The following COL22A1 variants were observed in gnomAD, a reference collection of about 807,000 sequenced individuals.
The protein encoded by COL22A1 is collagen type XXII alpha 1 chain.
COL22A1 carries 221 observed loss-of-function variants against 248.9 expected under a neutral mutation model. That is an observed-to-expected ratio of 0.89 (90% CI 0.80 to 0.99). COL22A1 has a LOEUF of 0.99. Ranked by LOEUF, COL22A1 falls within the 50% of genes least tolerant of loss-of-function variation. The pLI, the probability that COL22A1 is intolerant of heterozygous loss-of-function variation, is 0.00. For synonymous variants in COL22A1, 891 were observed against 793.4 expected, an observed-to-expected ratio of 1.12 and a Z score of -2.07; for missense variants, 2,240 against 2,179.0, an observed-to-expected ratio of 1.03 and a Z score of -0.56.
chr8:138,839,462 G>A (rs1820700994), intron 4 of COL22A1, among the ~76,000 whole-genome samples: 1 of 152,164 alleles, frequency 6.6e-6, no homozygotes, highest in South Asian at 2.1e-4. Flanking sequence ...ATTTTCCAAG[G>A]TCATTCTGGC....
chr8:138,902,674 C>CACAT (rs1814675087), intron 1 of COL22A1, among the ~76,000 whole-genome samples: 1 of 150,512 alleles, frequency 6.6e-6, no homozygotes, highest in African/African-American at 2.5e-5. Context: ...CCATTGCACT[C>CACAT]CAGCCTGGGC....
intron 25 of COL22A1, 137 bp downstream of exon 25, chr8:138,724,477 CG>C: frequency 2.6e-6 from 2 of 774,048 alleles, no homozygotes; most frequent in Non-Finnish European, 4.4e-6. Flanking sequence ...AGCTGAGCTC[CG>C]GGGCTGCAGG....
chr8:138,690,416 C>T (rs1009055021), intron 36 of COL22A1, among the ~76,000 whole-genome samples: 5 of 152,230 alleles, frequency 3.3e-5, no homozygotes, highest in East Asian at 1.9e-4. Flanking sequence ...ATGAACTAGC[C>T]GAGACCTCAA....
intron 51 of COL22A1, among the ~76,000 whole-genome samples, chr8:138,624,617 C>T (rs1469766487): frequency 6.6e-6 from 1 of 152,210 alleles, no homozygotes; most frequent in Admixed American, 6.5e-5. Context: ...AATTTCTTCT[C>T]CTTAGCTTTA....
At chr8:138,803,072 C>T in intron 10 of COL22A1, 138 bp from the exon 11 acceptor site, 1 of 716,510 alleles carries the variant, frequency 1.4e-6, no homozygotes, top group Non-Finnish European at 2.6e-6. Context: ...TGCAACGAGG[C>T]CACATGTCCC....
chr8:138,749,904 G>C (rs1228264521), intron 22 of COL22A1, among the ~76,000 whole-genome samples: 5 of 152,162 alleles, frequency 3.3e-5, no homozygotes, highest in African/African-American at 1.2e-4. Context: ...ATACAGTTTG[G>C]CTGTGTCCCC....
At chr8:138,740,273 G>A (rs1322008959) in intron 22 of COL22A1, among the ~76,000 whole-genome samples, 2 of 152,214 alleles carry the variant, frequency 1.3e-5, no homozygotes, top group African/African-American at 4.8e-5. Flanking sequence ...GTGTTGAGAG[G>A]AAAGACTGAA....
At chr8:138,724,805 C>T in intron 24 of COL22A1, 137 bp from the exon 25 acceptor site, 6 of 775,232 alleles carry the variant, frequency 7.7e-6, no homozygotes, top group South Asian at 7.6e-5. Context: ...CCTTGGTCAT[C>T]CGCTGTGAAA....
chr8:138,709,979 G>A (rs1828817589), intron 30 of COL22A1, among the ~76,000 whole-genome samples: 1 of 152,078 alleles, frequency 6.6e-6, no homozygotes, highest in African/African-American at 2.4e-5. Flanking sequence ...CCCCCATGAA[G>A]GAGTGGGCTC....
In COL22A1 at chr8:138,878,098, C is replaced by G; in HGVS notation, c.310G>C (p.Ala104Pro). The part of the protein sequence containing the change: ...LFGSQEEVKA[A>P]ARRLAYHGGN... ...CCGTGGTAGGCGAGACGCCGGGCAG[C>G]CGCCTTGACCTCCTCCTGCGAGCCA... The change falls in exon 3 of 65, where the codon GCT becomes CCT. Residue 104 changes from alanine (A) to proline (P), a missense_variant. Ala to Pro is a conservative substitution (Grantham distance 27). Transcript: ENST00000303045. The G allele has an allele frequency of 1.2e-6, 2 of 1,600,344 alleles. No homozygotes were observed. Among genetic ancestry groups the G allele is most frequent in the Non-Finnish European group, 1.7e-6 (2 of 1,174,472 alleles).
chr8:138,685,177 C>A (rs1380753963), intron 38 of COL22A1, 31 bp downstream of exon 38: 1 of 1,408,648 alleles, frequency 7.1e-7, no homozygotes, highest in Non-Finnish European at 9.9e-7. Context: ...CTGGTTTCTA[C>A]AGGCACTGGG....
chr8:138,600,760 A>T (rs1817932060), intron 60 of COL22A1, among the ~76,000 whole-genome samples: 1 of 152,226 alleles, frequency 6.6e-6, no homozygotes, highest in Admixed American at 6.5e-5. Context: ...GGTCCAAAGA[A>T]GTCACTTCAA....
intron 47 of COL22A1, among the ~76,000 whole-genome samples, chr8:138,640,193 G>A (rs901350775): frequency 3.9e-5 from 6 of 152,020 alleles, no homozygotes; most frequent in Admixed American, 2.6e-4. Context: ...TTCTACCTTC[G>A]TGGAAAACCT....
intron 3 of COL22A1, among the ~76,000 whole-genome samples, chr8:138,851,927 G>A (rs1275529212): frequency 2.0e-5 from 3 of 152,144 alleles, no homozygotes; most frequent in African/African-American, 4.8e-5. Context: ...CAGCAGGTGG[G>A]GGCAGTAGTA....
At chr8:138,629,346 G>T (rs1028052031) in intron 50 of COL22A1, among the ~76,000 whole-genome samples, 1 of 151,614 alleles carries the variant, frequency 6.6e-6, no homozygotes, top group African/African-American at 2.4e-5. Flanking sequence ...TAGTAGAGGG[G>T]TTTCATCATG....
intron 1 of COL22A1, among the ~76,000 whole-genome samples, chr8:138,898,053 CA>C (rs1369969655): frequency 6.6e-6 from 1 of 152,166 alleles, no homozygotes; most frequent in Non-Finnish European, 1.5e-5. Context: ...TTCATAAGAA[CA>C]CTAATCCCAT....
chr8:138,626,227 G>A lies in COL22A1; in HGVS notation c.3680C>T (p.Pro1227Leu), dbSNP rs1008660880. 6.2e-7 allele frequency: 1 copy of A among 1,608,152 alleles called. No individual in the cohort carries two copies. The highest frequency in any genetic ancestry group is 8.5e-7 in the Non-Finnish European group (1 of 1,177,938). ...IQGSPGKEGPPGPQGPSGLPG... is the reference protein window; with the variant it reads ...IQGSPGKEGPLGPQGPSGLPG... ...TAATCCAGATGGGCCTTGGGGGCCA[G>A]GAGGGCCTTCTTTCCCCTAAAAGAT... Residue 1227 changes from proline to leucine, a missense_variant, in exon 51 of 65, where the codon CCT (proline) becomes CTT (leucine). Physicochemically the swap from Pro to Leu is moderately conservative, Grantham distance 98 (BLOSUM62 -3). Transcript: ENST00000303045.
intron 13 of COL22A1, 151 bp from the exon 14 acceptor site, chr8:138,779,713 C>T (rs1814788310): frequency 1.7e-6 from 1 of 600,192 alleles, no homozygotes; most frequent in East Asian, 2.8e-5. Flanking sequence ...GCCCGGGCTC[C>T]CCTCAGATGC....
At chr8:138,870,901 T>A (rs1031753166) in intron 3 of COL22A1, among the ~76,000 whole-genome samples, 1 of 151,554 alleles carries the variant, frequency 6.6e-6, no homozygotes, top group Non-Finnish European at 1.5e-5. Flanking sequence ...ATCTAGGGTG[T>A]GTGATGTGCC....
Sources: allele counts gnomAD v4.1 joint callset (sites outside exome capture counted in the v4.1 genomes callset), GRCh38; gene constraint gnomAD v4.1.1; transcripts MANE v1.5; gene names NCBI Gene and HGNC (gene_info 2026-07-23, HGNC 2026-07-21).